LRCH1: variants seen among roughly 807,000 people sequenced by gnomAD.
LRCH1 encodes the protein leucine-rich repeat and calponin homology domain-containing protein 1.
LRCH1 carries 23 observed loss-of-function variants against 94.9 expected under a neutral mutation model. The observed-to-expected ratio is 0.24, with a 90% CI of 0.17 to 0.34. The LOEUF is 0.34. LRCH1 is among the 10% of genes least tolerant of loss of function. The pLI is 1.00. For missense variants in LRCH1, 790 were observed against 945.9 expected (o/e 0.84, Z 2.16); for synonymous variants, 364 against 354.9 (o/e 1.03, Z -0.29).
At chr13:46,723,061 A>G (rs906132715) in intron 16 of LRCH1, among the ~76,000 whole-genome samples, 160 bp from the exon 17 acceptor site, 1 of 152,222 alleles carries the variant, frequency 6.6e-6, no homozygotes, top group African/African-American at 2.4e-5. Context: ...CTCTTTTAAA[A>G]TACTTGAGCC....
At chr13:46,695,113 T>C (rs1361619233) in intron 9 of LRCH1, 96 bp downstream of exon 9, 3 of 1,449,756 alleles carry the variant, frequency 2.1e-6, no homozygotes, top group Non-Finnish European at 9.4e-7. Flanking sequence ...TCCCCTTCAA[T>C]GTCCAGCTTG....
chr13:46,646,385 G>A (rs1418027050), intron 1 of LRCH1, among the ~76,000 whole-genome samples: 2 of 152,134 alleles, frequency 1.3e-5, no homozygotes, highest in African/African-American at 4.8e-5. Context: ...AGTATCTACA[G>A]TGAGTTCCTC....
At position 46,649,123 on chromosome 13, in the gene LRCH1, A is replaced by G. The variant is rs531606860; in HGVS notation, c.308-1078A>G. On this transcript the variant is annotated intron_variant, in intron 1 of 19. Coordinates refer to ENST00000389797, the MANE Select transcript of LRCH1 (RefSeq NM_001164211.2). The stretch of plus-strand genomic sequence containing the variant: ...CCTGATTTTGCTTATTTGTATATTT[A>G]TTTATTGGAGGGAAGGTGGCTCTTT... 2.6e-5 allele frequency among the ~76,000 whole-genome samples: 4 copies of G among 152,232 alleles called. No individual in the cohort carries two copies. The East Asian group carries it at 7.7e-4, about 29-fold the overall frequency.
chr13:46,606,102 A>C (rs771902826), intron 1 of LRCH1, among the ~76,000 whole-genome samples: 2 of 152,208 alleles, frequency 1.3e-5, no homozygotes, highest in Non-Finnish European at 2.9e-5. Context: ...TAACATTTCA[A>C]GTCATTGAAA....
intron 1 of LRCH1, among the ~76,000 whole-genome samples, chr13:46,561,590 C>T (rs962743322): frequency 1.3e-5 from 2 of 152,198 alleles, no homozygotes; most frequent in African/African-American, 2.4e-5. Context: ...TGCCATACAG[C>T]GTGAGGAGTA....
intron 1 of LRCH1, among the ~76,000 whole-genome samples, chr13:46,631,928 G>A (rs567041492): frequency 9.9e-5 from 15 of 152,258 alleles, no homozygotes; most frequent in South Asian, 4.1e-4. Context: ...CAGGCCGGGC[G>A]TGGTGGCTCA....
At chr13:46,688,025 G>T in intron 6 of LRCH1, 46 bp downstream of exon 6, 2 of 1,561,076 alleles carry the variant, frequency 1.3e-6, no homozygotes, top group Non-Finnish European at 1.7e-6. Context: ...ATTTGCCTAG[G>T]CCAAGGCCCT....
At chr13:46,590,292 A>G (rs1048659168) in intron 1 of LRCH1, among the ~76,000 whole-genome samples, 1 of 151,960 alleles carries the variant, frequency 6.6e-6, no homozygotes, top group Admixed American at 6.6e-5. Context: ...CCTTCACCCT[A>G]TCTCTTTCTA....
chr13:46,721,838 T>A (rs1199132320), intron 16 of LRCH1, among the ~76,000 whole-genome samples: 4 of 152,238 alleles, frequency 2.6e-5, no homozygotes, highest in African/African-American at 9.6e-5. Flanking sequence ...TTAAGATATG[T>A]CAATTTTCTC....
At chr13:46,653,321 TATTCTCCCATACTGA>T (rs555991230) in intron 2 of LRCH1, among the ~76,000 whole-genome samples, 1 of 152,250 alleles carries the variant, frequency 6.6e-6, no homozygotes, top group South Asian at 2.1e-4. Flanking sequence ...GTTTGAGACC[TATTCTCCCATACTGA>T]ATCATGTGCT....
At chr13:46,572,703 C>A (rs546911987) in intron 1 of LRCH1, among the ~76,000 whole-genome samples, 1 of 152,200 alleles carries the variant, frequency 6.6e-6, no homozygotes, top group Non-Finnish European at 1.5e-5. Flanking sequence ...TGAAACATTG[C>A]AAAGACTTTA....
intron 1 of LRCH1, among the ~76,000 whole-genome samples, chr13:46,644,200 A>C (rs2051193006): frequency 6.6e-6 from 1 of 152,182 alleles, no homozygotes; most frequent in African/African-American, 2.4e-5. Flanking sequence ...GGTTTAAATG[A>C]GGTGCCAGAT....
chr13:46,601,766 G>A (rs1214726839), intron 1 of LRCH1, among the ~76,000 whole-genome samples: 1 of 152,158 alleles, frequency 6.6e-6, no homozygotes, highest in Non-Finnish European at 1.5e-5. Context: ...GTAGGACCAG[G>A]CTGTTTTTCG....
intron 2 of LRCH1, among the ~76,000 whole-genome samples, chr13:46,650,619 T>G (rs1270345581): frequency 2.6e-5 from 4 of 151,616 alleles, no homozygotes; most frequent in Non-Finnish European, 5.9e-5. Context: ...TAATTGGCAT[T>G]TGTAAGGTTG....
chr13:46,638,289 C>T (rs895127570), intron 1 of LRCH1, among the ~76,000 whole-genome samples: 2 of 152,190 alleles, frequency 1.3e-5, no homozygotes, highest in Non-Finnish European at 2.9e-5. Context: ...AAAAATGTCA[C>T]TGGCAATACC....
intron 1 of LRCH1, among the ~76,000 whole-genome samples, chr13:46,605,372 C>T (rs937639516): frequency 6.6e-6 from 1 of 152,180 alleles, no homozygotes; most frequent in Admixed American, 6.5e-5. Context: ...TTTACAGAAG[C>T]CTTGTGCCTT....
chr13:46,747,865 G>A (rs971446355), downstream of LRCH1, among the ~76,000 whole-genome samples: 6 of 151,882 alleles, frequency 4.0e-5, no homozygotes, highest in African/African-American at 1.5e-4. Context: ...AGCCTCCCAA[G>A]TAGCTGGGAC....
chr13:46,627,997 G>A (rs530308998), intron 1 of LRCH1, among the ~76,000 whole-genome samples: 1 of 151,982 alleles, frequency 6.6e-6, no homozygotes, highest in East Asian at 1.9e-4. Flanking sequence ...TTGGTTTGGG[G>A]CAGTCTGGCT....
intron 2 of LRCH1, among the ~76,000 whole-genome samples, chr13:46,655,336 A>G (rs1186962839): frequency 6.6e-6 from 1 of 152,260 alleles, no homozygotes. Flanking sequence ...AAAAACACTT[A>G]CATATTTTTC....
Sources: gnomAD v4.1 joint callset for allele counts (sites outside exome capture counted in the v4.1 genomes callset) on GRCh38, gnomAD v4.1.1 for gene constraint, MANE v1.5 for transcripts, NCBI Gene and HGNC (gene_info 2026-07-23, HGNC 2026-07-21) for gene names.